CLTRN: variants seen among roughly 807,000 people sequenced by gnomAD.
CLTRN encodes the protein collectrin, amino acid transport regulator.
CLTRN carries 12 observed loss-of-function variants against 14.5 expected under a neutral mutation model. That is an observed-to-expected ratio of 0.83 (90% CI 0.53 to 1.34). The LOEUF is 1.34. Among genes scored for constraint, CLTRN ranks in the 40% most tolerant of loss-of-function variants. CLTRN has a pLI of 0.00. For synonymous variants in CLTRN, 58 were observed against 56.5 expected, an observed-to-expected ratio of 1.03 and a Z score of -0.12; for missense variants, 154 against 165.1, an observed-to-expected ratio of 0.93 and a Z score of 0.37.
At chrX:15,629,420 TA>T (rs938773908) in intron 5 of CLTRN, among the ~76,000 whole-genome samples, 12 of 110,735 alleles carry the variant, frequency 1.1e-4, no homozygotes, top group East Asian at 2.8e-4. Flanking sequence ...TAAAGTATAA[TA>T]AAAAAAAATT....
upstream of CLTRN, chrX:15,665,122 G>T: frequency 6.2e-6 from 1 of 160,062 alleles, no homozygotes; most frequent in East Asian, 1.6e-4. Flanking sequence ...ATTGAGTCCT[G>T]TCTAGAGGTT....
chrX:15,666,068 A>T (rs766001240), upstream of CLTRN, among the ~76,000 whole-genome samples: 1 of 111,930 alleles, frequency 8.9e-6, no homozygotes, highest in East Asian at 2.8e-4. Context: ...AACAACAGAC[A>T]CAGGTACCTA....
intron 1 of CLTRN, among the ~76,000 whole-genome samples, chrX:15,672,140 G>A (rs1232023833): frequency 8.9e-6 from 1 of 111,859 alleles, no homozygotes; most frequent in Non-Finnish European, 1.9e-5. Flanking sequence ...AACTGAGTGA[G>A]TGTAATTCTG....
At position 15,671,785 on chromosome X, in the gene CLTRN, A is replaced by T. The variant is rs1178477903; in HGVS notation, c.-506+3204T>A. ...AGATAAATGAGCTTATTTTAATAATAATTTTAGAATATAGAACAGATGATG... is the reference window on the plus strand; with the variant it reads ...AGATAAATGAGCTTATTTTAATAATTATTTTAGAATATAGAACAGATGATG... On this transcript the variant is annotated intron_variant, in intron 1 of 6. Transcript: ENST00000650271. 3.6e-5 allele frequency among the ~76,000 whole-genome samples: 4 copies of T among 110,714 alleles called. No homozygotes were observed. In the Admixed American group the frequency reaches 3.9e-4, roughly 11 times the overall value.
intron 5 of CLTRN, among the ~76,000 whole-genome samples, chrX:15,629,434 T>G (rs996764050): frequency 1.8e-5 from 2 of 111,325 alleles, no homozygotes; most frequent in African/African-American, 6.5e-5. Context: ...AAAAAATTTT[T>G]TTTAAATCAT....
chrX:15,651,914 C>T (rs1322237848), intron 3 of CLTRN, among the ~76,000 whole-genome samples: 1 of 111,549 alleles, frequency 9.0e-6, no homozygotes, highest in African/African-American at 3.3e-5. Flanking sequence ...TTTATCTACT[C>T]ACCTACAAAT....
intron 5 of CLTRN, among the ~76,000 whole-genome samples, chrX:15,633,667 C>A (rs1173691531): frequency 8.9e-6 from 1 of 112,554 alleles, no homozygotes; most frequent in Non-Finnish European, 1.9e-5. Flanking sequence ...GAGCCACATC[C>A]GCTTGTGTGA....
At chrX:15,666,721 A>G (rs182748519), upstream of CLTRN, among the ~76,000 whole-genome samples, 1,421 of 111,746 alleles carry the variant, frequency 0.013, 15 homozygotes, top group Admixed American at 0.04. Context: ...AACTTAGTCC[A>G]GCCATCCTAG....
At chrX:15,671,522 CAG>C (rs2147218954) in intron 1 of CLTRN, among the ~76,000 whole-genome samples, 1 of 111,330 alleles carries the variant, frequency 9.0e-6, no homozygotes, top group African/African-American at 3.3e-5. Context: ...TCTTAGAGGT[CAG>C]AGAGTCTGGA....
intron 4 of CLTRN, among the ~76,000 whole-genome samples, chrX:15,642,317 G>A (rs748296398): frequency 8.9e-6 from 1 of 112,199 alleles, no homozygotes; most frequent in South Asian, 3.7e-4. Flanking sequence ...GAGTGGTATT[G>A]AATTAGGCCA....
intron 1 of CLTRN, among the ~76,000 whole-genome samples, chrX:15,671,844 G>GCACACACACACACGCGCACACA (rs1929723236): frequency 1.1e-5 from 1 of 90,030 alleles, no homozygotes; most frequent in African/African-American, 4.0e-5. Flanking sequence ...TTTTATGCGC[G>GCACACACACACACGCGCACACA]CACACACACA....
chrX:15,666,672 G>A (rs141103011), upstream of CLTRN, among the ~76,000 whole-genome samples: 1 of 111,526 alleles, frequency 9.0e-6, no homozygotes, highest in Admixed American at 9.5e-5. Context: ...GCAAGGACAC[G>A]GAGTCAGGAA....
intron 4 of CLTRN, among the ~76,000 whole-genome samples, chrX:15,642,396 A>C (rs763737133): frequency 8.9e-6 from 1 of 112,482 alleles, no homozygotes; most frequent in Non-Finnish European, 1.9e-5. Context: ...CATACTATGT[A>C]TACTCTGTAT....
At chrX:15,664,223 T>C (rs890970031) in intron 2 of CLTRN, 114 bp downstream of exon 2, 3 of 492,450 alleles carry the variant, frequency 6.1e-6, no homozygotes, top group Non-Finnish European at 1.0e-5. Flanking sequence ...TTTGAGGTCT[T>C]TAGAAATAAT....
At chrX:15,636,195 G>A (rs1291479061) in intron 5 of CLTRN, among the ~76,000 whole-genome samples, 1 of 111,880 alleles carries the variant, frequency 8.9e-6, no homozygotes, top group Non-Finnish European at 1.9e-5. Flanking sequence ...TCCCACTCTG[G>A]GTATATACCC....
At chrX:15,657,724 G>C (rs1386494754) in intron 3 of CLTRN, among the ~76,000 whole-genome samples, 1 of 111,398 alleles carries the variant, frequency 9.0e-6, no homozygotes, top group Non-Finnish European at 1.9e-5. Flanking sequence ...GAATGCTGCA[G>C]TTTAATGGCA....
At chrX:15,670,308 A>AACACACACACACACACACAC in intron 1 of CLTRN, among the ~76,000 whole-genome samples, 1 of 86,298 alleles carries the variant, frequency 1.2e-5, no homozygotes, top group East Asian at 4.2e-4. Context: ...CCAAAAACAA[A>AACACACACACACACACACAC]ACACACACAC....
intron 3 of CLTRN, among the ~76,000 whole-genome samples, chrX:15,658,731 TATAC>T (rs1247964628): frequency 3.8e-4 from 31 of 80,625 alleles, no homozygotes; most frequent in African/African-American, 1.5e-3. Flanking sequence ...TATATATATA[TATAC>T]ACACACACAC....
intron 3 of CLTRN, among the ~76,000 whole-genome samples, chrX:15,652,319 A>G (rs1601730610): frequency 1.8e-5 from 2 of 111,732 alleles, no homozygotes; most frequent in African/African-American, 6.5e-5. Context: ...AAAATCCTAC[A>G]TTTTCAAGAT....
Sources: gnomAD v4.1 joint callset for allele counts (sites outside exome capture counted in the v4.1 genomes callset) on GRCh38, gnomAD v4.1.1 for gene constraint, MANE v1.5 for transcripts, NCBI Gene and HGNC (gene_info 2026-07-23, HGNC 2026-07-21) for gene names.